STK32B: variants seen among roughly 807,000 people sequenced by gnomAD.
STK32B encodes the protein serine/threonine-protein kinase 32B.
A neutral mutation model predicts 52.6 loss-of-function variants in STK32B; 43 were observed. The observed-to-expected ratio is 0.82, with a 90% CI of 0.64 to 1.05. The LOEUF (loss-of-function observed/expected upper bound fraction) is 1.05, where lower values mean the gene tolerates loss of function less well. Among genes scored for constraint, STK32B ranks in the 50% least tolerant of loss-of-function variants. The pLI is 0.00. For missense variants in STK32B, 621 were observed against 534.6 expected, an observed-to-expected ratio of 1.16 and a Z score of -1.59; for synonymous variants, 238 against 204.3, an observed-to-expected ratio of 1.17 and a Z score of -1.41.
chr4:5,240,495 T>C (rs1577231129), intron 3 of STK32B, among the ~76,000 whole-genome samples: 1 of 152,202 alleles, frequency 6.6e-6, no homozygotes, highest in Non-Finnish European at 1.5e-5. Context: ...AGTCTCACTC[T>C]GTCACCCAGG....
At chr4:5,204,192 T>C (rs1722378856) in intron 3 of STK32B, 1 of 152,150 alleles carries the variant, frequency 6.6e-6, no homozygotes, top group South Asian at 2.1e-4. Flanking sequence ...GAATCGTGGG[T>C]AGAATTGTAT....
rs190390312 is a variant in STK32B at position 5,362,133 on chromosome 4, A to G, written c.434+30740A>G. Among the ~76,000 whole-genome samples the G allele has an allele frequency of 2.6e-4, 40 of 152,330 alleles. No homozygotes were observed. In the East Asian group the frequency reaches 5.2e-3, roughly 20 times the overall value. On this transcript the variant is annotated intron_variant, in intron 4 of 11. Transcript: ENST00000282908. ...GATGTATAGAACACATTTTTAAGCA[A>G]TAAAAATTGTATGTTGGGAGCGAGG...
intron 3 of STK32B, among the ~76,000 whole-genome samples, chr4:5,177,372 A>C (rs1398399543): frequency 6.6e-6 from 1 of 152,176 alleles, no homozygotes. Context: ...AACCACCCTC[A>C]TGATTTAATT....
chr4:5,331,132 T>C (rs1732215844), intron 3 of STK32B, 88 bp from the exon 4 acceptor site: 2 of 1,314,272 alleles, frequency 1.5e-6, no homozygotes, highest in Non-Finnish European at 2.1e-6. Context: ...TGAGCCTCAG[T>C]TTGCTCTTCT....
intron 2 of STK32B, chr4:5,140,365 G>A (rs1716345435): frequency 5.3e-6 from 6 of 1,142,198 alleles, no homozygotes; most frequent in Non-Finnish European, 6.7e-6. Flanking sequence ...AAGGCTAGGA[G>A]AAGATGGCAG....
At chr4:5,310,064 G>T (rs1357412758) in intron 3 of STK32B, among the ~76,000 whole-genome samples, 1 of 152,120 alleles carries the variant, frequency 6.6e-6, no homozygotes, top group Non-Finnish European at 1.5e-5. Context: ...TACTCAGGAG[G>T]CTGAGGCAGG....
chr4:5,078,836 A>AG (rs1196964309), intron 1 of STK32B, among the ~76,000 whole-genome samples: 1 of 152,266 alleles, frequency 6.6e-6, no homozygotes, highest in African/African-American at 2.4e-5. Context: ...GCCTTTGAGA[A>AG]GGGGGGGCCA....
chr4:5,188,590 C>G (rs1444421440), intron 3 of STK32B, among the ~76,000 whole-genome samples: 13 of 152,126 alleles, frequency 8.5e-5, no homozygotes, highest in Admixed American at 8.5e-4. Flanking sequence ...TCAGGTCTTT[C>G]TCGGACCTCT....
At chr4:5,357,020 TATAC>T (rs1301046947) in intron 4 of STK32B, among the ~76,000 whole-genome samples, 2 of 150,218 alleles carry the variant, frequency 1.3e-5, no homozygotes, top group Non-Finnish European at 3.0e-5. Flanking sequence ...TATATATATA[TATAC>T]ACACACACAC....
At chr4:5,478,222 GA>G (rs2109191211) in intron 11 of STK32B, among the ~76,000 whole-genome samples, 1 of 152,298 alleles carries the variant, frequency 6.6e-6, no homozygotes, top group South Asian at 2.1e-4. Context: ...GTTGTGGAAT[GA>G]AGAGACAACA....
chr4:5,267,491 C>G (rs1382116492), intron 3 of STK32B, among the ~76,000 whole-genome samples: 1 of 152,130 alleles, frequency 6.6e-6, no homozygotes, highest in African/African-American at 2.4e-5. Flanking sequence ...TGAGTAACAA[C>G]AGCTCCCCTA....
At chr4:5,316,878 TATATTATATATATTATATATAATATATA>T (rs1730910902) in intron 3 of STK32B, among the ~76,000 whole-genome samples, 1 of 7,026 alleles carries the variant, frequency 1.4e-4, no homozygotes, top group Non-Finnish European at 1.9e-4. Context: ...TTATATATAA[TATATTATATATATTATATATAATATATA>T]ATATATATGA....
At chr4:5,422,060 G>T (rs1316239683) in intron 6 of STK32B, among the ~76,000 whole-genome samples, 7 of 152,260 alleles carry the variant, frequency 4.6e-5, no homozygotes, top group African/African-American at 1.7e-4. Flanking sequence ...GTATGTGAGA[G>T]TCGGGGTTAC....
At chr4:5,439,367 T>G (rs1423907636) in intron 6 of STK32B, among the ~76,000 whole-genome samples, 3 of 151,932 alleles carry the variant, frequency 2.0e-5, no homozygotes, top group Non-Finnish European at 2.9e-5. Flanking sequence ...TGATGAGCAT[T>G]TTTTCATGTG....
chr4:5,032,720 T>C, the STK32B span, among the ~76,000 whole-genome samples: 1 of 152,170 alleles, frequency 6.6e-6, no homozygotes, highest in Admixed American at 6.5e-5. Flanking sequence ...TGTACAACCA[T>C]CACCACCATC....
In STK32B at chr4:5,499,167, T is replaced by A; in HGVS notation, c.*84T>A. The A allele has an allele frequency of 6.8e-7, 1 of 1,468,006 alleles. No homozygotes were observed. The highest frequency in any genetic ancestry group is 9.1e-7 in the Non-Finnish European group (1 of 1,101,568). 90.9% of individuals were successfully genotyped at this position (1,468,006 alleles called of 1,614,324 possible). A position where few individuals can be genotyped will look rare whatever the true frequency, so the allele number is the denominator to read the frequency against. On this transcript the variant is annotated 3_prime_UTR_variant, in exon 12 of 12. Transcript: ENST00000282908. The stretch of plus-strand genomic sequence containing the variant: ...CCCCTCTTTGTGCCCTGATGGTCCC[T>A]GTCTCACCCCTGAAAACATCAGATG...
At chr4:5,096,345 A>G (rs1713391324) in intron 1 of STK32B, among the ~76,000 whole-genome samples, 1 of 152,218 alleles carries the variant, frequency 6.6e-6, no homozygotes, top group Non-Finnish European at 1.5e-5. Context: ...CTCTCCTGGC[A>G]TGATTGGCTG....
intron 11 of STK32B, among the ~76,000 whole-genome samples, chr4:5,473,021 G>A (rs1419511731): frequency 6.6e-6 from 1 of 151,994 alleles, no homozygotes; most frequent in Admixed American, 6.6e-5. Context: ...TTCCCTGGCA[G>A]GCAAAATCAC....
chr4:5,363,189 T>C (rs1734661011), intron 4 of STK32B, among the ~76,000 whole-genome samples: 1 of 152,354 alleles, frequency 6.6e-6, no homozygotes, highest in South Asian at 2.1e-4. Context: ...TAGAATGCAG[T>C]CATGAAAGTA....
Sources: gnomAD v4.1 joint callset for allele counts (sites outside exome capture counted in the v4.1 genomes callset) on GRCh38, gnomAD v4.1.1 for gene constraint, MANE v1.5 for transcripts, NCBI Gene and HGNC (gene_info 2026-07-23, HGNC 2026-07-21) for gene names.